TNRC6A: variants seen among roughly 807,000 people sequenced by gnomAD.
TNRC6A encodes the protein trinucleotide repeat containing adaptor 6A.
A neutral mutation model predicts 221.2 loss-of-function variants in TNRC6A; 44 were observed. The ratio of observed to expected loss-of-function variants is 0.20; its 90% CI spans 0.16 to 0.26. The LOEUF (loss-of-function observed/expected upper bound fraction) is 0.26, where lower values mean the gene tolerates loss of function less well. Among genes scored for constraint, TNRC6A ranks in the 10% least tolerant of loss-of-function variants. The probability of loss-of-function intolerance (pLI) is 1.00; values close to 1 mark genes in which losing one functional copy is unlikely to be tolerated. For synonymous variants in TNRC6A, 847 were observed against 838.5 expected (o/e 1.01, Z -0.18); for missense variants, 2,199 against 2,404.4 (o/e 0.91, Z 1.79).
At chr16:24,798,099 T>C (rs1361756732) in intron 11 of TNRC6A, 133 bp downstream of exon 11, 1 of 638,876 alleles carries the variant, frequency 1.6e-6, no homozygotes, top group Non-Finnish European at 2.6e-6. Context: ...ACACATGCTG[T>C]GGTTAAATGA....
chr16:24,776,521 G>T, intron 4 of TNRC6A: 7 of 985,450 alleles, frequency 7.1e-6, no homozygotes, highest in Non-Finnish European at 8.4e-6. Context: ...TTAACAATGA[G>T]GCAGAATAAG....
chr16:24,797,664 G>A (rs543037768), intron 10 of TNRC6A, 94 bp downstream of exon 10: 121 of 1,124,728 alleles, frequency 1.1e-4, no homozygotes, highest in Non-Finnish European at 1.4e-4. Flanking sequence ...TTTCATCTTC[G>A]AGTCCTTAGG....
chr16:24,824,876 A>C lies in TNRC6A; in HGVS notation c.*1069A>C, dbSNP rs925267973. Reference sequence around the variant, plus strand: ...GCTCTGTTAAAGAATTTTCTCTGCCAAAAAAAAAGAAAAAACAAAAAAACG... The same window carrying C: ...GCTCTGTTAAAGAATTTTCTCTGCCCAAAAAAAAGAAAAAACAAAAAAACG... On this transcript the variant is annotated 3_prime_UTR_variant, in exon 25 of 25. Coordinates refer to ENST00000395799, the MANE Select transcript of TNRC6A (RefSeq NM_014494.4). The C allele has an allele frequency of 2.7e-5, 4 of 149,598 alleles. No individual in the cohort carries two copies. Among genetic ancestry groups the C allele is most frequent in the African/African-American group, 7.6e-5 (3 of 39,584 alleles). 9.3% of individuals were successfully genotyped at this position (149,598 alleles called of 1,614,324 possible). A position where few individuals can be genotyped will look rare whatever the true frequency, so the allele number is the denominator to read the frequency against.
intron 2 of TNRC6A, among the ~76,000 whole-genome samples, chr16:24,647,902 C>A (rs1024645095): frequency 2.0e-5 from 3 of 152,084 alleles, no homozygotes; most frequent in Non-Finnish European, 4.4e-5. Flanking sequence ...TGAGCCACTG[C>A]ACCCAGCCTA....
At chr16:24,685,024 C>T (rs550040731) in intron 2 of TNRC6A, among the ~76,000 whole-genome samples, 8 of 152,184 alleles carry the variant, frequency 5.3e-5, no homozygotes, top group Admixed American at 2.6e-4. Context: ...GAACTTCAGC[C>T]CCTCTGGCCT....
At chr16:24,738,855 GTTGTT>G (rs923366162) in intron 2 of TNRC6A, among the ~76,000 whole-genome samples, 3 of 152,074 alleles carry the variant, frequency 2.0e-5, no homozygotes, top group Non-Finnish European at 4.4e-5. Context: ...TTTTGTTTGT[GTTGTT>G]TTGTTTTGTT....
chr16:24,744,844 T>A (rs2056967987), intron 2 of TNRC6A, among the ~76,000 whole-genome samples: 2 of 152,206 alleles, frequency 1.3e-5, no homozygotes, highest in African/African-American at 4.8e-5. Flanking sequence ...AGAATTTCTT[T>A]ATGCACGTAC....
At chr16:24,808,239 A>G (rs2058474526) in intron 17 of TNRC6A, among the ~76,000 whole-genome samples, 1 of 152,240 alleles carries the variant, frequency 6.6e-6, no homozygotes, top group Admixed American at 6.5e-5. Context: ...AATTGGCCAC[A>G]TAAGTTCTAA....
At chr16:24,714,236 A>G (rs2056267147) in intron 2 of TNRC6A, among the ~76,000 whole-genome samples, 1 of 141,898 alleles carries the variant, frequency 7.0e-6, no homozygotes, top group Non-Finnish European at 1.5e-5. Context: ...CGCTTTAGAT[A>G]GTTTCTTCTG....
At chr16:24,686,412 TCTTC>T (rs1453821884) in intron 2 of TNRC6A, among the ~76,000 whole-genome samples, 1 of 152,170 alleles carries the variant, frequency 6.6e-6, no homozygotes. Flanking sequence ...TTTCTTTCTT[TCTTC>T]CTTTCCAAGG....
chr16:24,789,432 T>C lies in TNRC6A; in HGVS notation c.790T>C (p.Ser264Pro). The C allele has an allele frequency of 6.2e-7, 1 of 1,614,152 alleles. No homozygotes were observed. The highest frequency in any genetic ancestry group is 8.5e-7 in the Non-Finnish European group (1 of 1,180,042). The change falls in exon 6 of 25, where the codon TCA (serine) becomes CCA (proline). Residue 264 changes from serine to proline, a missense_variant. Coordinates refer to ENST00000395799, the MANE Select transcript of TNRC6A (RefSeq NM_014494.4). Reference sequence around the variant, plus strand: ...TGCTGATTCTGCCTCCAGTTCTGAATCAGAGAGAAACATCACTATCATGGC... The same window carrying C: ...TGCTGATTCTGCCTCCAGTTCTGAACCAGAGAGAAACATCACTATCATGGC... ...MDADSASSSE[S>P]ERNITIMASG...
At chr16:24,746,670 T>A (rs1180724111) in intron 2 of TNRC6A, among the ~76,000 whole-genome samples, 1 of 152,216 alleles carries the variant, frequency 6.6e-6, no homozygotes, top group Non-Finnish European at 1.5e-5. Flanking sequence ...TAAAAATTCA[T>A]TGTGAATAGA....
intron 2 of TNRC6A, among the ~76,000 whole-genome samples, chr16:24,682,602 G>A (rs1321836633): frequency 1.3e-5 from 2 of 152,106 alleles, no homozygotes; most frequent in African/African-American, 4.8e-5. Context: ...TAATTAGGCT[G>A]GCTTCTGTTA....
chr16:24,728,904 G>C (rs2056540757), upstream of TNRC6A, among the ~76,000 whole-genome samples: 1 of 151,836 alleles, frequency 6.6e-6, no homozygotes, highest in Admixed American at 6.6e-5. Flanking sequence ...TCCATGCCGG[G>C]ATTATTCCTC....
chr16:24,649,421 A>G (rs1170937275), intron 2 of TNRC6A, among the ~76,000 whole-genome samples: 1 of 151,788 alleles, frequency 6.6e-6, no homozygotes, highest in Non-Finnish European at 1.5e-5. Context: ...CCATCTTCCC[A>G]CCCCAGCCTT....
chr16:24,781,002 T>G (rs1431218590), intron 5 of TNRC6A, among the ~76,000 whole-genome samples: 1 of 149,672 alleles, frequency 6.7e-6, no homozygotes, highest in Non-Finnish European at 1.5e-5. Context: ...CAAACTCAGA[T>G]CTTCTCTATC....
At chr16:24,710,532 A>G (rs939050269) in intron 2 of TNRC6A, among the ~76,000 whole-genome samples, 1 of 152,126 alleles carries the variant, frequency 6.6e-6, no homozygotes, top group Non-Finnish European at 1.5e-5. Context: ...CTTTGACAGG[A>G]GCAGCACAGG....
intron 2 of TNRC6A, among the ~76,000 whole-genome samples, chr16:24,704,962 G>C (rs939409129): frequency 6.6e-6 from 1 of 151,924 alleles, no homozygotes; most frequent in African/African-American, 2.4e-5. Flanking sequence ...AACATAACGA[G>C]ACCCTGTCTC....
chr16:24,630,731 C>G (rs1480397051), intron 1 of TNRC6A, among the ~76,000 whole-genome samples: 1 of 152,210 alleles, frequency 6.6e-6, no homozygotes, highest in Non-Finnish European at 1.5e-5. Flanking sequence ...TATGCTCTCC[C>G]CTTTAGGCAA....
Sources: allele counts gnomAD v4.1 joint callset (sites outside exome capture counted in the v4.1 genomes callset), GRCh38; gene constraint gnomAD v4.1.1; transcripts MANE v1.5; gene names NCBI Gene and HGNC (gene_info 2026-07-23, HGNC 2026-07-21).